Variants in CDC27 observed in about 807,000 individuals in gnomAD.
The protein encoded by CDC27 is cell division cycle protein 27 homolog.
CDC27 carries 27 observed loss-of-function variants against 109.7 expected under a neutral mutation model. The ratio of observed to expected loss-of-function variants is 0.25; its 90% confidence interval spans 0.18 to 0.34. CDC27 has a LOEUF of 0.34. Ranked by LOEUF, CDC27 falls within the 10% of genes least tolerant of loss-of-function variation. The probability of loss-of-function intolerance (pLI) is 1.00; values close to 1 mark genes in which losing one functional copy is unlikely to be tolerated. For synonymous variants in CDC27, 266 were observed against 333.9 expected (o/e 0.80, Z 2.22); for missense variants, 579 against 960.2 (o/e 0.60, Z 5.25).
chr17:47,163,117 A>G (rs2063543843), intron 4 of CDC27, among the ~76,000 whole-genome samples: 1 of 152,192 alleles, frequency 6.6e-6, no homozygotes, highest in Non-Finnish European at 1.5e-5. Context: ...CTGGCATAAA[A>G]AATATTATTT....
Position 47,138,766 on chromosome 17 carries a change from T to C in CDC27, c.1677A>G (p.Leu559=). 2 of 1,610,960 alleles carry C rather than the reference T, an allele frequency of 1.2e-6. No individual in the cohort carries two copies. Among genetic ancestry groups the C allele is most frequent in the Non-Finnish European group, 1.7e-6 (2 of 1,179,318 alleles). ...CTGGCGAATTTTTATCCATGTCTGT[T>C]AAGTCTTTTGACAGAACTGAAAGAG... is the stretch of plus-strand genomic sequence containing the variant. ...DVALSVLSKD[L]TDMDKNSPEA... is the part of the protein sequence containing the mutation. The change falls in exon 13 of 19, where the codon TTA becomes TTG. Residue 559 remains leucine, a synonymous_variant. Transcript: ENST00000066544.
At chr17:47,135,967 C>T (rs147305442) in intron 14 of CDC27, among the ~76,000 whole-genome samples, 3,860 of 152,102 alleles carry the variant, frequency 0.025, 87 homozygotes, top group Middle Eastern at 0.11. Context: ...GGTGAAATCC[C>T]GTCTCTACTA....
chr17:47,151,793 C>A lies in CDC27; in HGVS notation c.1070+13G>T. The A allele has an allele frequency of 6.5e-7, 1 of 1,530,688 alleles. No individual in the cohort carries two copies. Among genetic ancestry groups the A allele is most frequent in the South Asian group, 1.3e-5 (1 of 75,050 alleles). The allele number at this position is 1,530,688 out of a possible 1,614,324, so 94.8% of individuals were successfully genotyped here. On this transcript the variant is annotated intron_variant, in intron 9 of 18. Transcript: ENST00000066544. ...TATGCCAAGAAAAGTTGAATAATTA[C>A]AATGATAAATACCTTGTTTGTGGAC...
chr17:47,142,676 T>G (rs1185110335), intron 10 of CDC27, among the ~76,000 whole-genome samples: 1 of 152,202 alleles, frequency 6.6e-6, no homozygotes, highest in Non-Finnish European at 1.5e-5. Flanking sequence ...AGTGTAGCCC[T>G]CTTGTGAAAG....
chr17:47,156,302 C>A (rs192566247), intron 7 of CDC27, among the ~76,000 whole-genome samples: 2 of 151,942 alleles, frequency 1.3e-5, no homozygotes, highest in African/African-American at 4.8e-5. Flanking sequence ...CCACACCCGG[C>A]TAGTTTTTTG....
intron 12 of CDC27, among the ~76,000 whole-genome samples, chr17:47,140,355 C>T (rs201322653): frequency 6.6e-6 from 1 of 152,124 alleles, no homozygotes; most frequent in East Asian, 1.9e-4. Context: ...CTCAAGTGAT[C>T]CCCCTTCCTT....
At chr17:47,187,452 C>G (rs895355027) in intron 1 of CDC27, among the ~76,000 whole-genome samples, 1 of 152,082 alleles carries the variant, frequency 6.6e-6, no homozygotes, top group African/African-American at 2.4e-5. Context: ...AGGCGCCCAC[C>G]ACCACGCCTG....
intron 4 of CDC27, among the ~76,000 whole-genome samples, chr17:47,169,495 A>C (rs1355188313): frequency 6.6e-6 from 1 of 151,896 alleles, no homozygotes; most frequent in African/African-American, 2.4e-5. Context: ...AAATACAAAA[A>C]TTAGCTGGGC....
chr17:47,130,747 G>A (rs763450688), intron 15 of CDC27, among the ~76,000 whole-genome samples: 2 of 151,782 alleles, frequency 1.3e-5, no homozygotes, highest in African/African-American at 4.8e-5. Context: ...CGTGGTGTCG[G>A]GCACCTGTAA....
chr17:47,158,474 C>T (rs748755064), intron 4 of CDC27, among the ~76,000 whole-genome samples, 171 bp from the exon 5 acceptor site: 11 of 152,138 alleles, frequency 7.2e-5, no homozygotes, highest in Non-Finnish European at 1.3e-4. Flanking sequence ...CAAGTGAAAG[C>T]GCACAGAACA....
chr17:47,176,258 T>C (rs1174637394), intron 2 of CDC27, among the ~76,000 whole-genome samples: 1 of 152,166 alleles, frequency 6.6e-6, no homozygotes. Flanking sequence ...TTTTCAATTG[T>C]ATGGAGGCTA....
chr17:47,166,389 G>A (rs2063647578), intron 4 of CDC27, among the ~76,000 whole-genome samples: 2 of 152,162 alleles, frequency 1.3e-5, no homozygotes, highest in African/African-American at 2.4e-5. Flanking sequence ...AAATTCATGT[G>A]CATAGAGTTG....
Position 47,118,455 on chromosome 17 carries a change from C to A in CDC27, c.*2480G>T, listed in dbSNP as rs11570588. The stretch of plus-strand genomic sequence containing the variant: ...AAGGGGAAAAACAAATCCAAGGCCA[C>A]AACATAACTTCTGAACAAGTGTGTG... On this transcript the variant is annotated 3_prime_UTR_variant, in exon 19 of 19. Transcript: ENST00000066544. 6,859 of 152,854 alleles carry A rather than the reference C, an allele frequency of 0.045. 210 individuals are homozygous for A. Among genetic ancestry groups the A allele is most frequent in the Middle Eastern group, 0.11 (31 of 292 alleles). The allele number at this position is 152,854 out of a possible 1,614,324, so 9.5% of individuals were successfully genotyped here.
chr17:47,177,471 G>T (rs1169334974), intron 2 of CDC27, among the ~76,000 whole-genome samples: 3 of 152,156 alleles, frequency 2.0e-5, no homozygotes, highest in Admixed American at 2.0e-4. Context: ...CAGCTACTCA[G>T]GAGGCTGATG....
intron 4 of CDC27, among the ~76,000 whole-genome samples, chr17:47,162,298 T>C (rs1048553662): frequency 2.6e-5 from 4 of 152,210 alleles, no homozygotes; most frequent in African/African-American, 9.7e-5. Context: ...ATCTAAACCA[T>C]CAATAGATTC....
At chr17:47,153,707 A>G (rs1349701242) in intron 8 of CDC27, among the ~76,000 whole-genome samples, 6 of 152,314 alleles carry the variant, frequency 3.9e-5, no homozygotes, top group African/African-American at 1.4e-4. Flanking sequence ...ATTCTCACAG[A>G]AGTTACCTTG....
chr17:47,159,163 T>G (rs1057338910), intron 4 of CDC27: 3 of 377,262 alleles, frequency 8.0e-6, no homozygotes, highest in African/African-American at 6.2e-5. Context: ...CCAGGCTTAA[T>G]TCACTTTATT....
At chr17:47,164,012 C>T (rs1277402613) in intron 4 of CDC27, among the ~76,000 whole-genome samples, 1 of 152,218 alleles carries the variant, frequency 6.6e-6, no homozygotes, top group Non-Finnish European at 1.5e-5. Flanking sequence ...GATCTGCCCG[C>T]CTCGGCCTCC....
At chr17:47,180,945 T>TAAAAAAA (rs34061862) in intron 2 of CDC27, among the ~76,000 whole-genome samples, 4 of 111,668 alleles carry the variant, frequency 3.6e-5, no homozygotes, top group African/African-American at 1.0e-4. Context: ...ACTCTTTTCT[T>TAAAAAAA]AAAAAAAAAA....
Sources: allele counts gnomAD v4.1 joint callset (sites outside exome capture counted in the v4.1 genomes callset), GRCh38; gene constraint gnomAD v4.1.1; transcripts MANE v1.5; gene names NCBI Gene and HGNC (gene_info 2026-07-23, HGNC 2026-07-21).